Variants in CSMD1 observed in about 807,000 individuals in gnomAD.
CSMD1 encodes CUB and Sushi multiple domains 1.
CSMD1 carries 213 observed loss-of-function variants against 417.5 expected under a neutral mutation model. The observed-to-expected ratio is 0.51, with a 90% CI of 0.46 to 0.57. The LOEUF (loss-of-function observed/expected upper bound fraction) is 0.57, where lower values mean the gene tolerates loss of function less well. Among genes scored for constraint, CSMD1 ranks in the 20% least tolerant of loss-of-function variants. The probability of loss-of-function intolerance (pLI) is 0.00; values close to 1 mark genes in which losing one functional copy is unlikely to be tolerated. For synonymous variants in CSMD1, 2,862 were observed against 1,736.8 expected (o/e 1.65, Z -16.11); for missense variants, 6,923 against 4,529.7 (o/e 1.53, Z -15.17).
At chr8:3,956,557 C>A (rs1811962069) in intron 5 of CSMD1, among the ~76,000 whole-genome samples, 3 of 152,158 alleles carry the variant, frequency 2.0e-5, no homozygotes, top group Admixed American at 6.5e-5. Flanking sequence ...TTATCAAATA[C>A]TTAATATGTA....
intron 5 of CSMD1, among the ~76,000 whole-genome samples, chr8:3,952,049 T>C (rs147078552): frequency 1.1e-3 from 175 of 152,328 alleles, no homozygotes; most frequent in Middle Eastern, 6.8e-3. Flanking sequence ...CCTAGGTAAA[T>C]AATTGTAAAA....
chr8:4,282,986 C>A (rs991085730), intron 3 of CSMD1, among the ~76,000 whole-genome samples: 2 of 152,108 alleles, frequency 1.3e-5, no homozygotes, highest in Admixed American at 1.3e-4. Context: ...ATTTCTACTG[C>A]ACATTAGTCA....
chr8:4,390,350 A>T (rs1803757832), intron 3 of CSMD1, among the ~76,000 whole-genome samples: 1 of 152,124 alleles, frequency 6.6e-6, no homozygotes, highest in East Asian at 1.9e-4. Context: ...TAACCATAAT[A>T]ATACCACATT....
chr8:4,702,234 G>C (rs902642802), intron 1 of CSMD1, among the ~76,000 whole-genome samples: 27 of 152,140 alleles, frequency 1.8e-4, no homozygotes, highest in African/African-American at 6.5e-4. Context: ...GAACAAACCT[G>C]TGCATGTACC....
intron 30 of CSMD1, among the ~76,000 whole-genome samples, chr8:3,209,387 G>A (rs1156993081): frequency 6.6e-6 from 1 of 151,940 alleles, no homozygotes; most frequent in Non-Finnish European, 1.5e-5. Flanking sequence ...CGTGATCTCG[G>A]CTCACTGCAA....
At chr8:4,339,222 G>A (rs939942695) in intron 3 of CSMD1, among the ~76,000 whole-genome samples, 6 of 152,114 alleles carry the variant, frequency 3.9e-5, no homozygotes, top group African/African-American at 1.4e-4. Flanking sequence ...CAGGCAATAA[G>A]CCATAGGAAA....
intron 1 of CSMD1, among the ~76,000 whole-genome samples, chr8:4,814,910 C>T (rs943261338): frequency 5.9e-5 from 9 of 152,038 alleles, no homozygotes; most frequent in African/African-American, 1.7e-4. Context: ...CACAAAACTA[C>T]GTATTTGGTT....
intron 8 of CSMD1, among the ~76,000 whole-genome samples, chr8:3,594,250 G>T (rs533350222): frequency 2.0e-5 from 3 of 152,244 alleles, no homozygotes; most frequent in East Asian, 1.9e-4. Flanking sequence ...AGCTGCTAGT[G>T]TAAGAGATAC....
At chr8:3,151,545 G>T (rs1438523514) in intron 39 of CSMD1, 32 bp from the exon 40 acceptor site, 2 of 1,382,484 alleles carry the variant, frequency 1.4e-6, no homozygotes, top group Non-Finnish European at 1.0e-6. Flanking sequence ...AGTCCTGCAG[G>T]TCCTCACTTT....
At chr8:3,955,591 G>C (rs1309480282) in intron 5 of CSMD1, among the ~76,000 whole-genome samples, 3 of 152,202 alleles carry the variant, frequency 2.0e-5, no homozygotes, top group East Asian at 1.9e-4. Context: ...GGTGCTACCT[G>C]CCCTGCTCCA....
intron 3 of CSMD1, among the ~76,000 whole-genome samples, chr8:4,414,433 G>T (rs974392773): frequency 6.6e-6 from 1 of 152,098 alleles, no homozygotes; most frequent in African/African-American, 2.4e-5. Context: ...ATGTTCAATG[G>T]ATTAATAAAT....
intron 10 of CSMD1, among the ~76,000 whole-genome samples, chr8:3,545,649 G>A (rs1379826850): frequency 6.6e-6 from 1 of 152,196 alleles, no homozygotes; most frequent in Non-Finnish European, 1.5e-5. Context: ...ATCATCAGCG[G>A]TGGACAACTT....
At chr8:3,285,803 T>C (rs527911901) in intron 25 of CSMD1, among the ~76,000 whole-genome samples, 3 of 151,804 alleles carry the variant, frequency 2.0e-5, no homozygotes, top group Admixed American at 1.3e-4. Context: ...GAAGTTGTAA[T>C]GTAATATCCC....
chr8:4,806,414 A>G (rs1231801276), intron 1 of CSMD1, among the ~76,000 whole-genome samples: 4 of 152,058 alleles, frequency 2.6e-5, no homozygotes, highest in Non-Finnish European at 5.9e-5. Flanking sequence ...CTTTGCCATA[A>G]AAGTCCCCTG....
intron 8 of CSMD1, among the ~76,000 whole-genome samples, chr8:3,601,492 G>A (rs1010733395): frequency 6.6e-6 from 1 of 152,178 alleles, no homozygotes; most frequent in Non-Finnish European, 1.5e-5. Context: ...CATACACCAG[G>A]CAGGCCAATG....
chr8:4,572,814 T>C (rs1408262839), intron 2 of CSMD1, among the ~76,000 whole-genome samples: 1 of 152,182 alleles, frequency 6.6e-6, no homozygotes, highest in Non-Finnish European at 1.5e-5. Flanking sequence ...CTCTATTCTT[T>C]CCTTTCATTC....
chr8:3,310,441 G>A (rs1430784325), intron 23 of CSMD1, among the ~76,000 whole-genome samples: 1 of 152,200 alleles, frequency 6.6e-6, no homozygotes, highest in African/African-American at 2.4e-5. Flanking sequence ...GAGGCAGAAT[G>A]ACTTGTTGGA....
intron 1 of CSMD1, among the ~76,000 whole-genome samples, chr8:4,692,772 G>A (rs1285002455): frequency 6.6e-6 from 1 of 152,120 alleles, no homozygotes; most frequent in Non-Finnish European, 1.5e-5. Context: ...AGTTCCTATT[G>A]TTTCTTATAC....
intron 3 of CSMD1, among the ~76,000 whole-genome samples, chr8:4,248,656 A>ACCCACCATCAG (rs969164072): frequency 3.0e-4 from 45 of 152,222 alleles, no homozygotes; most frequent in Admixed American, 1.4e-3. Context: ...ATTAAGGACC[A>ACCCACCATCAG]CCCACCATCA....
Sources: gnomAD v4.1 joint callset for allele counts (sites outside exome capture counted in the v4.1 genomes callset) on GRCh38, gnomAD v4.1.1 for gene constraint, MANE v1.5 for transcripts, NCBI Gene and HGNC (gene_info 2026-07-23, HGNC 2026-07-21) for gene names.